The following RUNDC3B variants were observed in gnomAD, a reference collection of about 807,000 sequenced individuals.
RUNDC3B encodes the protein RUN domain-containing protein 3B.
Under a neutral mutation model 58.4 loss-of-function variants are expected in RUNDC3B, and 33 were observed. The observed-to-expected ratio is 0.56, with a 90% CI of 0.43 to 0.75. The LOEUF is 0.75. RUNDC3B is among the 30% of genes least tolerant of loss of function. The pLI, the probability that RUNDC3B is intolerant of heterozygous loss-of-function variation, is 0.00. For synonymous variants in RUNDC3B, 193 were observed against 195.2 expected (o/e 0.99, Z 0.10); for missense variants, 501 against 535.7 (o/e 0.94, Z 0.64).
chr7:87,756,006 G>T (rs867360955), intron 6 of RUNDC3B, among the ~76,000 whole-genome samples: 2 of 152,102 alleles, frequency 1.3e-5, no homozygotes, highest in African/African-American at 4.8e-5. Flanking sequence ...GAGTGAGATA[G>T]GAGACTTATT....
chr7:87,773,062 G>A (rs1181348285), intron 7 of RUNDC3B, among the ~76,000 whole-genome samples: 1 of 152,004 alleles, frequency 6.6e-6, no homozygotes, highest in Non-Finnish European at 1.5e-5. Flanking sequence ...GGCGACTCAC[G>A]CCTGTAATCC....
At chr7:87,740,289 G>A (rs1470656308) in intron 5 of RUNDC3B, among the ~76,000 whole-genome samples, 4 of 151,940 alleles carry the variant, frequency 2.6e-5, no homozygotes. Context: ...GATCCTGAGA[G>A]GCTATCTTGG....
chr7:87,628,850 G>A lies in RUNDC3B; in HGVS notation c.27G>A (p.Leu9=). MASRSLGG[L]SGIRGGGGGG... is the part of the protein sequence containing the mutation. Reference sequence around the variant, plus strand: ...TGGCCTCCCGGAGCCTGGGGGGCCTGAGCGGGATCCGCGGCGGTGGCGGCG... The same window carrying A: ...TGGCCTCCCGGAGCCTGGGGGGCCTAAGCGGGATCCGCGGCGGTGGCGGCG... The change falls in exon 1 of 11, where the codon CTG becomes CTA. Residue 9 remains leucine (L), a synonymous_variant. Transcript: ENST00000394654. 1 of 1,271,022 alleles carries A rather than the reference G, an allele frequency of 7.9e-7. No homozygotes were observed. Among genetic ancestry groups the A allele is most frequent in the Non-Finnish European group, 1.0e-6 (1 of 1,001,110 alleles). 78.7% of individuals were successfully genotyped at this position (1,271,022 alleles called of 1,614,324 possible). A position where few individuals can be genotyped will look rare whatever the true frequency, so the allele number is the denominator to read the frequency against.
intron 8 of RUNDC3B, among the ~76,000 whole-genome samples, chr7:87,778,545 T>G (rs745890051): frequency 3.3e-5 from 5 of 152,172 alleles, no homozygotes; most frequent in Admixed American, 6.5e-5. Context: ...TGGTGTATAT[T>G]ATTCCAAATG....
chr7:87,642,116 T>C (rs1243718025), intron 1 of RUNDC3B, among the ~76,000 whole-genome samples: 3 of 151,902 alleles, frequency 2.0e-5, no homozygotes, highest in Non-Finnish European at 4.4e-5. Context: ...TTATTTAAAT[T>C]AGATTTATTT....
chr7:87,737,492 C>T (rs980865078), intron 4 of RUNDC3B, among the ~76,000 whole-genome samples: 1 of 152,064 alleles, frequency 6.6e-6, no homozygotes, highest in African/African-American at 2.4e-5. Flanking sequence ...TTCGAGACAG[C>T]TTCTACCTCT....
intron 2 of RUNDC3B, among the ~76,000 whole-genome samples, chr7:87,679,006 A>T (rs1826647093): frequency 6.6e-6 from 1 of 152,012 alleles, no homozygotes; most frequent in Non-Finnish European, 1.5e-5. Flanking sequence ...ATAATAGTAG[A>T]TCAAGTAAAC....
intron 7 of RUNDC3B, among the ~76,000 whole-genome samples, chr7:87,777,525 A>G (rs1000579750): frequency 2.0e-5 from 3 of 152,204 alleles, no homozygotes; most frequent in African/African-American, 7.2e-5. Flanking sequence ...GAGTCATGCA[A>G]TTGTTGTGAA....
chr7:87,805,075 A>G (rs1235344638), intron 8 of RUNDC3B, among the ~76,000 whole-genome samples: 1 of 152,166 alleles, frequency 6.6e-6, no homozygotes, highest in Non-Finnish European at 1.5e-5. Flanking sequence ...GACTGGATAA[A>G]TAGGCTTAGA....
chr7:87,793,968 A>G lies in RUNDC3B; in HGVS notation c.957-13405A>G, dbSNP rs531316942. Among the ~76,000 whole-genome samples, 10 of 152,330 alleles carry G rather than the reference A, an allele frequency of 6.6e-5. 1 individual carries two copies. In the South Asian group the frequency reaches 1.9e-3, roughly 28 times the overall value. ...CCACCAAAAAACTATTAAAACTGAT[A>G]AACAAATTCAGTAAAGTTGCAGGAT... On this transcript the variant is annotated intron_variant, in intron 8 of 10. Transcript: ENST00000394654.
chr7:87,658,665 T>C (rs1269471734), intron 2 of RUNDC3B, among the ~76,000 whole-genome samples: 2 of 152,086 alleles, frequency 1.3e-5, no homozygotes, highest in South Asian at 2.1e-4. Context: ...AAGTAAGCAA[T>C]TGAATGACAG....
chr7:87,686,862 C>A (rs1827514256), intron 2 of RUNDC3B, among the ~76,000 whole-genome samples: 1 of 150,804 alleles, frequency 6.6e-6, no homozygotes. Context: ...GGAGGGTCAC[C>A]TGAGCCCAAG....
intron 6 of RUNDC3B, among the ~76,000 whole-genome samples, chr7:87,754,850 C>T (rs1833269525): frequency 6.6e-6 from 1 of 150,700 alleles, no homozygotes; most frequent in South Asian, 2.1e-4. Flanking sequence ...TTGACACACA[C>T]ACTTTCCCAA....
chr7:87,713,041 G>A (rs1830228537), intron 4 of RUNDC3B: 1 of 152,018 alleles, frequency 6.6e-6, no homozygotes, highest in South Asian at 2.1e-4. Context: ...TTACTGAGAT[G>A]AAACCAAAGA....
chr7:87,754,899 A>G (rs886077926), intron 6 of RUNDC3B, among the ~76,000 whole-genome samples: 4 of 151,112 alleles, frequency 2.6e-5, no homozygotes, highest in South Asian at 2.1e-4. Flanking sequence ...GAACAGAACA[A>G]TAATGAGCTC....
At chr7:87,640,349 CTTTTTATTTTTA>C (rs886323606) in intron 1 of RUNDC3B, among the ~76,000 whole-genome samples, 2 of 151,432 alleles carry the variant, frequency 1.3e-5, no homozygotes, top group African/African-American at 2.4e-5. Flanking sequence ...CTTCTTTTTA[CTTTTTATTTTTA>C]TTTTTTAGAG....
intron 6 of RUNDC3B, among the ~76,000 whole-genome samples, chr7:87,769,827 G>A (rs932550375): frequency 1.3e-5 from 2 of 151,744 alleles, no homozygotes; most frequent in Non-Finnish European, 2.9e-5. Flanking sequence ...AACAGGCCGC[G>A]GTGTGTGATG....
intron 4 of RUNDC3B, among the ~76,000 whole-genome samples, chr7:87,736,153 C>T (rs1448636956): frequency 2.0e-5 from 3 of 152,098 alleles, no homozygotes; most frequent in Non-Finnish European, 4.4e-5. Flanking sequence ...TAGTTTCTTA[C>T]ATTAAATTGG....
intron 2 of RUNDC3B, among the ~76,000 whole-genome samples, chr7:87,677,462 C>A (rs1202110047): frequency 6.6e-6 from 1 of 151,760 alleles, no homozygotes; most frequent in Non-Finnish European, 1.5e-5. Context: ...AGATATGGAG[C>A]CTAAAAATAG....
Sources: gnomAD v4.1 joint callset for allele counts (sites outside exome capture counted in the v4.1 genomes callset) on GRCh38, gnomAD v4.1.1 for gene constraint, MANE v1.5 for transcripts, NCBI Gene and HGNC (gene_info 2026-07-23, HGNC 2026-07-21) for gene names.